FARP2: variants seen among roughly 807,000 people sequenced by gnomAD.
The protein encoded by FARP2 is FERM, ARHGEF and pleckstrin domain-containing protein 2.
Under a neutral mutation model 130.5 loss-of-function variants are expected in FARP2, and 111 were observed. The observed-to-expected ratio is 0.85, with a 90% CI of 0.73 to 1.00. FARP2 has a LOEUF of 1.00. Among genes scored for constraint, FARP2 ranks in the 50% least tolerant of loss-of-function variants. The pLI is 0.00. For synonymous variants in FARP2, 504 were observed against 516.9 expected (o/e 0.98, Z 0.34); for missense variants, 1,385 against 1,346.3 (o/e 1.03, Z -0.45).
rs377628400 is a variant in FARP2 at position 241,434,948 on chromosome 2, ATCTT to A, written c.1032-12_1032-9del. The A allele has an allele frequency of 3.0e-5, 44 of 1,489,508 alleles. No homozygotes were observed. The highest frequency in any genetic ancestry group is 1.5e-4 in the African/African-American group (11 of 71,776). The allele number at this position is 1,489,508 out of a possible 1,614,324, so 92.3% of individuals were successfully genotyped here. A position where few individuals can be genotyped will look rare whatever the true frequency, so the allele number is the denominator to read the frequency against. On this transcript the variant is annotated splice_polypyrimidine_tract_variant and intron_variant, in intron 10 of 26. Transcript: ENST00000264042. ...TTACTGTTCTTTATTAAAAATCTGA[ATCTT>A]TATTCACAGTGGAAGAACTCAGAAA...
chr2:241,416,429 C>T (rs1385873538), intron 7 of FARP2, among the ~76,000 whole-genome samples: 1 of 152,114 alleles, frequency 6.6e-6, no homozygotes, highest in East Asian at 1.9e-4. Flanking sequence ...AGCTTCGTTG[C>T]ACATCTTATT....
In FARP2 at chr2:241,475,262, G is replaced by A. The variant is rs1559805301; in HGVS notation, c.2132-595G>A. ...ACAGTTTGGGTTGAACAACCTGAAG[G>A]CCTCAGGGGTATCTGCAGGAGCAGG... is the stretch of plus-strand genomic sequence containing the variant. On this transcript the variant is annotated intron_variant, in intron 18 of 26. Coordinates refer to ENST00000264042, the MANE Select transcript of FARP2 (RefSeq NM_014808.4). The surrounding 1 kb of genome is among the most constrained non-coding windows in gnomAD (Gnocchi z 4.4). Among the ~76,000 whole-genome samples, 1 of 152,196 alleles carries A rather than the reference G, an allele frequency of 6.6e-6. No individual in the cohort carries two copies. Among genetic ancestry groups the A allele is most frequent in the Admixed American group, 6.5e-5 (1 of 15,286 alleles).
chr2:241,434,623 G>A (rs934113670), intron 10 of FARP2, among the ~76,000 whole-genome samples: 10 of 152,170 alleles, frequency 6.6e-5, no homozygotes, highest in East Asian at 3.9e-4. Context: ...AGGCCAAGGC[G>A]GGTGGATCAT....
chr2:241,487,594 G>A (rs1240436059), intron 21 of FARP2, among the ~76,000 whole-genome samples: 1 of 148,310 alleles, frequency 6.7e-6, no homozygotes, highest in African/African-American at 2.5e-5. Context: ...TTGAACCTGG[G>A]AGGCGGAGGT....
intron 26 of FARP2, chr2:241,493,794 A>C: frequency 4.1e-6 from 2 of 492,790 alleles, no homozygotes; most frequent in Non-Finnish European, 7.2e-6. Context: ...ACAGGGTTTC[A>C]CCATGTTGGC....
chr2:241,454,175 G>C (rs2063770548), intron 13 of FARP2, among the ~76,000 whole-genome samples: 1 of 152,130 alleles, frequency 6.6e-6, no homozygotes, highest in South Asian at 2.1e-4. Context: ...CACACATTAT[G>C]ATGGGCCTCG....
At chr2:241,413,483 A>G (rs953015524) in intron 7 of FARP2, 62 bp downstream of exon 7, 1 of 1,131,390 alleles carries the variant, frequency 8.8e-7, no homozygotes, top group African/African-American at 1.5e-5. Context: ...AGAGTGTGTA[A>G]CGAGAAAGGA....
chr2:241,461,162 T>A (rs1296660530), intron 14 of FARP2, among the ~76,000 whole-genome samples: 1 of 152,084 alleles, frequency 6.6e-6, no homozygotes, highest in African/African-American at 2.4e-5. Context: ...TGGCAGCTGG[T>A]CTTTCCCTTG....
Position 241,357,757 on chromosome 2 carries a change from C to T in FARP2, c.-25+1369C>T, listed in dbSNP as rs116304046. Among the ~76,000 whole-genome samples the T allele has an allele frequency of 6.7e-3, 1,028 of 152,304 alleles. 16 individuals carry two copies. Among genetic ancestry groups the T allele is most frequent in the African/African-American group, 0.02 (819 of 41,556 alleles). ...ATGATGCAGTTTCCTGGACTGCAGACGTTTGCTGGCTTATTTACCTATAGG... is the reference window on the plus strand; with the variant it reads ...ATGATGCAGTTTCCTGGACTGCAGATGTTTGCTGGCTTATTTACCTATAGG... On this transcript the variant is annotated intron_variant, in intron 1 of 26. Coordinates refer to ENST00000264042, the MANE Select transcript of FARP2 (RefSeq NM_014808.4).
intron 19 of FARP2, among the ~76,000 whole-genome samples, chr2:241,479,228 G>C (rs1368150352): frequency 6.6e-6 from 1 of 152,180 alleles, no homozygotes; most frequent in South Asian, 2.1e-4. Flanking sequence ...TATCTCTTGA[G>C]GGGGGCCAGA....
Position 241,464,095 on chromosome 2 carries a change from C to T in FARP2, c.1893+115C>T, listed in dbSNP as rs1172159597. ...CCCTCAGAAAAGGGTCCCCTCAGAA[C>T]AGGATCCCCCTCAGAGTAGGGTCTC... is the stretch of plus-strand genomic sequence containing the variant. On this transcript the variant is annotated intron_variant, in intron 17 of 26. Transcript: ENST00000264042. The T allele has an allele frequency of 6.3e-6, 5 of 788,814 alleles. No homozygotes were observed. In the Admixed American group the frequency reaches 8.6e-5, roughly 14 times the overall value. The allele number at this position is 788,814 out of a possible 1,614,324, so 48.9% of individuals were successfully genotyped here.
intron 2 of FARP2, among the ~76,000 whole-genome samples, chr2:241,403,080 C>T (rs958419543): frequency 4.7e-5 from 7 of 148,734 alleles, no homozygotes; most frequent in Non-Finnish European, 8.9e-5. Flanking sequence ...CCTTTATGAA[C>T]AGTTCTTCTC....
At chr2:241,452,364 T>TA (rs1037469864) in intron 13 of FARP2, among the ~76,000 whole-genome samples, 1 of 151,936 alleles carries the variant, frequency 6.6e-6, no homozygotes, top group Non-Finnish European at 1.5e-5. Context: ...CGTGTATAAA[T>TA]AAAGTTACAC....
chr2:241,454,981 T>C (rs1456275858), intron 13 of FARP2, among the ~76,000 whole-genome samples: 1 of 152,104 alleles, frequency 6.6e-6, no homozygotes, highest in African/African-American at 2.4e-5. Flanking sequence ...CTCCCCTCCA[T>C]CTCCCATGTC....
At chr2:241,487,677 A>AAAG (rs1553737856) in intron 21 of FARP2, among the ~76,000 whole-genome samples, 91 of 150,804 alleles carry the variant, frequency 6.0e-4, no homozygotes, top group African/African-American at 2.1e-3. Context: ...AAAAAAAAAA[A>AAAG]AAAGAAAGAA....
intron 17 of FARP2, chr2:241,465,832 C>A: frequency 6.5e-7 from 1 of 1,539,308 alleles, no homozygotes; most frequent in South Asian, 1.2e-5. Flanking sequence ...CCACTCCTCA[C>A]ACCTAGAGTT....
At chr2:241,453,662 T>C (rs1333530797) in intron 13 of FARP2, among the ~76,000 whole-genome samples, 1 of 151,698 alleles carries the variant, frequency 6.6e-6, no homozygotes, top group East Asian at 1.9e-4. Context: ...AAATGATGAC[T>C]TTTAACCTCC....
intron 1 of FARP2, among the ~76,000 whole-genome samples, chr2:241,359,276 A>G (rs945322532): frequency 1.3e-5 from 2 of 152,184 alleles, no homozygotes; most frequent in African/African-American, 2.4e-5. Context: ...TAAAATTCAA[A>G]AACAAAAAGG....
At chr2:241,422,875 G>A (rs1407057875) in intron 8 of FARP2, among the ~76,000 whole-genome samples, 1 of 152,034 alleles carries the variant, frequency 6.6e-6, no homozygotes, top group Non-Finnish European at 1.5e-5. Flanking sequence ...TCAGAGCATT[G>A]AAGACTATCT....
Sources: allele counts gnomAD v4.1 joint callset (sites outside exome capture counted in the v4.1 genomes callset), GRCh38; gene constraint gnomAD v4.1.1; non-coding constraint Gnocchi (gnomAD v3.1); transcripts MANE v1.5; gene names NCBI Gene and HGNC (gene_info 2026-07-23, HGNC 2026-07-21).